The following RARB variants were observed in gnomAD, a reference collection of about 807,000 sequenced individuals.
RARB encodes the protein HBV-activated protein.
In RARB, 17 loss-of-function variants were observed where a neutral mutation model predicts 51.9. The observed-to-expected ratio is 0.33, with a 90% confidence interval of 0.22 to 0.49. RARB has a LOEUF of 0.49. Ranked by LOEUF, RARB falls within the 20% of genes least tolerant of loss-of-function variation. The pLI, the probability that RARB is intolerant of heterozygous loss-of-function variation, is 0.99. For missense variants in RARB, 369 were observed against 550.8 expected (o/e 0.67, Z 3.30); for synonymous variants, 215 against 195.4 (o/e 1.10, Z -0.84).
chr3:25,505,825 T>G (rs1478894156), intron 3 of RARB, among the ~76,000 whole-genome samples: 1 of 151,748 alleles, frequency 6.6e-6, no homozygotes, highest in Non-Finnish European at 1.5e-5. Flanking sequence ...GGAAAGCATG[T>G]GGCAAAGCCC....
chr3:24,890,786 G>A (rs1703362504), intron 2 of RARB, among the ~76,000 whole-genome samples: 2 of 152,024 alleles, frequency 1.3e-5, no homozygotes, highest in Non-Finnish European at 1.5e-5. Flanking sequence ...AGTTTTTTGG[G>A]TGGGTTCTTC....
At chr3:25,345,990 G>T (rs117159354) in intron 5 of RARB, 4 of 600,174 alleles carry the variant, frequency 6.7e-6, no homozygotes, top group Middle Eastern at 8.4e-4. Flanking sequence ...TGGCTCCGAT[G>T]AGTAGTTCTT....
At chr3:25,210,203 C>T (rs902249247) in intron 5 of RARB, among the ~76,000 whole-genome samples, 7 of 152,260 alleles carry the variant, frequency 4.6e-5, no homozygotes, top group South Asian at 2.1e-4. Context: ...ATGGCCTGTC[C>T]GTTATGGTCT....
At chr3:25,010,886 C>T (rs553314988) in intron 2 of RARB, among the ~76,000 whole-genome samples, 7 of 152,064 alleles carry the variant, frequency 4.6e-5, no homozygotes, top group Admixed American at 4.6e-4. Flanking sequence ...TTAGTATTAT[C>T]TTTCTACCAA....
intron 3 of RARB, among the ~76,000 whole-genome samples, chr3:25,520,761 T>C (rs954948944): frequency 2.0e-5 from 3 of 152,196 alleles, no homozygotes; most frequent in African/African-American, 7.2e-5. Flanking sequence ...ACACATGATA[T>C]ATAGTGAAAT....
intron 5 of RARB, among the ~76,000 whole-genome samples, chr3:25,297,824 ATGT>A (rs1305327667): frequency 3.9e-5 from 6 of 152,064 alleles, no homozygotes; most frequent in Admixed American, 1.3e-4. Flanking sequence ...AAATTTTTTG[ATGT>A]TGTCCTAGAT....
chr3:25,208,607 C>CT lies in RARB; in HGVS notation c.178+34041dup, dbSNP rs922017619. Among the ~76,000 whole-genome samples, 15 of 151,716 alleles carry CT rather than the reference C, an allele frequency of 9.9e-5. No homozygotes were observed. In the East Asian group the frequency reaches 1.9e-3, roughly 20 times the overall value. ...TTCCCTTCCGCTCTCTTTGTCTATT[C>CT]TTTTTTTTTCTAGAAAAGAGAAAAC... On this transcript the variant is annotated intron_variant, in intron 5 of 11. Coordinates refer to the RARB transcript ENST00000383772.
At chr3:25,231,360 T>C (rs1439124429) in intron 5 of RARB, among the ~76,000 whole-genome samples, 4 of 152,172 alleles carry the variant, frequency 2.6e-5, no homozygotes, top group African/African-American at 9.6e-5. Context: ...CTTTCCTGTT[T>C]AGAAGCACCA....
At chr3:25,472,408 G>T (rs1695741583) in intron 2 of RARB, among the ~76,000 whole-genome samples, 1 of 152,156 alleles carries the variant, frequency 6.6e-6, no homozygotes, top group African/African-American at 2.4e-5. Context: ...CTGCAAAGTC[G>T]ACTCAGAGAT....
At position 25,192,222 on chromosome 3, in the gene RARB, A is replaced by G. The variant is rs141245839; in HGVS notation, c.178+17647A>G. On this transcript the variant is annotated intron_variant, in intron 5 of 11. Transcript: ENST00000383772. ...ACTAAATAACCTCTCATAGTTAAAT[A>G]ATTTATACATAAGACTGAAGCATAG... Among the ~76,000 whole-genome samples the G allele has an allele frequency of 9.7e-3, 1,479 of 152,238 alleles. 21 individuals are homozygous for G. Among genetic ancestry groups the G allele is most frequent in the African/African-American group, 0.03 (1,228 of 41,560 alleles).
At chr3:25,320,955 A>G (rs1559356257) in intron 5 of RARB, among the ~76,000 whole-genome samples, 1 of 152,228 alleles carries the variant, frequency 6.6e-6, no homozygotes, top group African/African-American at 2.4e-5. Flanking sequence ...TCCACCCAAC[A>G]TTGATATTTA....
intron 5 of RARB, among the ~76,000 whole-genome samples, chr3:25,380,849 T>C (rs1158423165): frequency 6.6e-6 from 1 of 152,200 alleles, no homozygotes; most frequent in African/African-American, 2.4e-5. Context: ...AGGTTTTATA[T>C]TTCTATTTTC....
At chr3:24,958,853 C>T (rs1252795456) in intron 2 of RARB, among the ~76,000 whole-genome samples, 1 of 152,140 alleles carries the variant, frequency 6.6e-6, no homozygotes, top group Non-Finnish European at 1.5e-5. Context: ...TAGTCAAACA[C>T]GTGAAACAGG....
At chr3:24,958,255 GTTTTTTTTTTTTTTTTTTTTTTT>G (rs71057692) in intron 2 of RARB, among the ~76,000 whole-genome samples, 3 of 69,444 alleles carry the variant, frequency 4.3e-5, no homozygotes, top group Admixed American at 2.2e-4. Flanking sequence ...AGCTGCTCAG[GTTTTTTTTTTTTTTTTTTTTTTT>G]TTTTTTTTTT....
intron 1 of RARB, among the ~76,000 whole-genome samples, chr3:25,440,431 A>C (rs1056833630): frequency 3.6e-4 from 55 of 151,598 alleles, no homozygotes; most frequent in African/African-American, 1.3e-3. Flanking sequence ...TAGGCAACAG[A>C]GGGAGATCCT....
chr3:25,274,368 GT>G (rs199616566), intron 5 of RARB, among the ~76,000 whole-genome samples: 2,577 of 152,180 alleles, frequency 0.017, 81 homozygotes, highest in African/African-American at 0.058. Flanking sequence ...ATACAGGGTG[GT>G]GCCCTTCCAG....
chr3:25,021,446 A>G (rs1697634211), intron 2 of RARB, among the ~76,000 whole-genome samples: 1 of 152,108 alleles, frequency 6.6e-6, no homozygotes, highest in Non-Finnish European at 1.5e-5. Context: ...AATCACCTTA[A>G]AAGCCGTAAA....
chr3:24,871,672 C>T (rs1007527530), intron 2 of RARB, among the ~76,000 whole-genome samples: 5 of 152,164 alleles, frequency 3.3e-5, no homozygotes, highest in African/African-American at 9.7e-5. Context: ...CTTAGTATCT[C>T]TAGTTGAATG....
chr3:25,555,621 T>C (rs939812202), intron 3 of RARB: 1 of 152,218 alleles, frequency 6.6e-6, no homozygotes, highest in African/African-American at 2.4e-5. Flanking sequence ...ACATTAAGAA[T>C]TGACTGCACG....
Sources: allele counts gnomAD v4.1 joint callset (sites outside exome capture counted in the v4.1 genomes callset), GRCh38; gene constraint gnomAD v4.1.1; transcripts MANE v1.5; gene names NCBI Gene and HGNC (gene_info 2026-07-23, HGNC 2026-07-21).